The following SEMA5B variants were observed in gnomAD, a reference collection of about 807,000 sequenced individuals.
SEMA5B encodes the protein semaphorin 5B.
A neutral mutation model predicts 135.0 loss-of-function variants in SEMA5B; 66 were observed. The ratio of observed to expected loss-of-function variants is 0.49; its 90% CI spans 0.40 to 0.60. The LOEUF is 0.60. Among genes scored for constraint, SEMA5B ranks in the 20% least tolerant of loss-of-function variants. The probability of loss-of-function intolerance (pLI) is 0.00; values close to 1 mark genes in which losing one functional copy is unlikely to be tolerated. For synonymous variants in SEMA5B, 690 were observed against 639.5 expected (o/e 1.08, Z -1.19); for missense variants, 1,501 against 1,566.3 (o/e 0.96, Z 0.70).
In SEMA5B at chr3:122,915,784, T is replaced by C; in HGVS notation, c.1795A>G (p.Thr599Ala). The C allele has an allele frequency of 1.2e-6, 2 of 1,613,958 alleles. No homozygotes were observed. Among genetic ancestry groups the C allele is most frequent in the Non-Finnish European group, 1.7e-6 (2 of 1,179,890 alleles). ...AAGGGGATTCTCACAGGACAGGCGG[T>C]GATGTTCTGGGTCCAGAGGCTCATG... is the stretch of plus-strand genomic sequence containing the variant. Reference protein sequence around the residue: ...SNMSLWTQNITACPVRNVTRD... With the variant: ...SNMSLWTQNIAACPVRNVTRD... Residue 599 changes from threonine to alanine, a missense_variant, in exon 13 of 23, where the codon ACC becomes GCC. By Grantham distance (58) the Thr-to-Ala change is moderately conservative. This residue lies in a region of SEMA5B where 927 missense variants were observed against 881.6 expected (regional missense o/e 1.05). Transcript: ENST00000357599.
At chr3:122,995,851 C>G (rs1421316933) in intron 1 of SEMA5B, among the ~76,000 whole-genome samples, 1 of 152,258 alleles carries the variant, frequency 6.6e-6, no homozygotes, top group Non-Finnish European at 1.5e-5. Flanking sequence ...ATTCTCACCA[C>G]TCTGAGCCTC....
intron 2 of SEMA5B, among the ~76,000 whole-genome samples, chr3:122,954,446 A>T (rs1940192047): frequency 6.6e-6 from 1 of 152,250 alleles, no homozygotes; most frequent in Admixed American, 6.5e-5. Flanking sequence ...AGGAGTTGCC[A>T]ACAGGCATTG....
chr3:122,913,866 C>T lies in SEMA5B; in HGVS notation c.2124G>A (p.Arg708=), dbSNP rs776018961. 2 of 1,606,252 alleles carry T rather than the reference C, an allele frequency of 1.2e-6. No homozygotes were observed. Among genetic ancestry groups the T allele is most frequent in the Admixed American group, 3.4e-5 (2 of 59,296 alleles). Residue 708 remains arginine (R), a synonymous_variant, in exon 15 of 23, where the codon CGG becomes CGA. Coordinates refer to ENST00000357599, the MANE Select transcript of SEMA5B (RefSeq NM_001031702.4). ...HGGRICVGKS[R]EERFCNENTP... is the part of the protein sequence containing the mutation. ...AGCCTGTTCTCCCTCACCGTTCCTC[C>T]CGGCTCTTGCCCACGCAGATGCGGC... is the stretch of plus-strand genomic sequence containing the variant.
chr3:122,936,692 C>T (rs1180909920), intron 5 of SEMA5B, among the ~76,000 whole-genome samples: 6 of 152,238 alleles, frequency 3.9e-5, no homozygotes, highest in African/African-American at 1.2e-4. Context: ...GGGATGCTGT[C>T]AATCACTAGC....
intron 1 of SEMA5B, among the ~76,000 whole-genome samples, chr3:123,012,574 A>G (rs1017940623): frequency 1.3e-5 from 2 of 152,234 alleles, no homozygotes; most frequent in Admixed American, 1.3e-4. Context: ...GCAGACAGTT[A>G]GCCCAGTGTG....
At chr3:122,990,095 C>T (rs1430102724) in intron 1 of SEMA5B, among the ~76,000 whole-genome samples, 1 of 152,074 alleles carries the variant, frequency 6.6e-6, no homozygotes, top group African/African-American at 2.4e-5. Flanking sequence ...ATTTCAAAGC[C>T]CAGCAGGCTG....
chr3:122,961,341 T>C lies in SEMA5B; in HGVS notation c.-38-40A>G, dbSNP rs757952075. 33 of 1,579,282 alleles carry C rather than the reference T, an allele frequency of 2.1e-5. No individual in the cohort carries two copies. The Admixed American group carries it at 5.4e-4, about 26-fold the overall frequency. ...TTTTGGGTAAGTCATGGATACATGA[T>C]GAACCAGGCAAAAGAGATGAGGTCA... On this transcript the variant is annotated intron_variant, in intron 1 of 22. Coordinates refer to ENST00000357599, the MANE Select transcript of SEMA5B (RefSeq NM_001031702.4).
chr3:122,924,072 C>A (rs553196114), intron 9 of SEMA5B, among the ~76,000 whole-genome samples: 116 of 151,782 alleles, frequency 7.6e-4, no homozygotes, highest in African/African-American at 2.8e-3. Flanking sequence ...ATATATTTTA[C>A]CCTACAACTC....
chr3:122,965,674 T>C (rs1940785907), intron 1 of SEMA5B, among the ~76,000 whole-genome samples: 1 of 152,212 alleles, frequency 6.6e-6, no homozygotes, highest in African/African-American at 2.4e-5. Context: ...GTAGATGGTG[T>C]TTTCTGTTAC....
chr3:122,976,107 G>C (rs1461342424), intron 1 of SEMA5B: 1 of 1,535,182 alleles, frequency 6.5e-7, no homozygotes, highest in African/African-American at 1.4e-5. Flanking sequence ...GGCTTCCTCT[G>C]CTGACAGATG....
At chr3:122,911,835 C>A in intron 20 of SEMA5B, 85 bp downstream of exon 20, 1 of 1,455,570 alleles carries the variant, frequency 6.9e-7, no homozygotes, top group Non-Finnish European at 9.2e-7. Context: ...CTGCTCCCCA[C>A]CAGGACACAA....
At position 122,928,020 on chromosome 3, in the gene SEMA5B, G is replaced by A; in HGVS notation, c.637-17C>T. The A allele has an allele frequency of 6.9e-7, 1 of 1,442,346 alleles. No homozygotes were observed. The highest frequency in any genetic ancestry group is 9.2e-7 in the Non-Finnish European group (1 of 1,089,436). The allele number at this position is 1,442,346 out of a possible 1,614,324, so 89.3% of individuals were successfully genotyped here. ...GTTCCCCACCTGGGGACAATGGGGA[G>A]AAGGGGACACTTTTCCCTGAGGCCC... On this transcript the variant is annotated splice_polypyrimidine_tract_variant and intron_variant, in intron 7 of 22. Transcript: ENST00000357599.
chr3:122,984,164 C>G lies in SEMA5B; in HGVS notation c.-38-22863G>C, dbSNP rs77809131. Among the ~76,000 whole-genome samples, 660 of 152,342 alleles carry G rather than the reference C, an allele frequency of 4.3e-3. 8 individuals carry two copies. Among genetic ancestry groups the G allele is most frequent in the African/African-American group, 0.015 (625 of 41,564 alleles). ...CTTCTCCTTCACTGTCTCCCGCCCC[C>G]CGCCGTGGCCCTGTAGGCTCATTCA... is the stretch of plus-strand genomic sequence containing the variant. On this transcript the variant is annotated intron_variant, in intron 1 of 22. Coordinates refer to ENST00000357599, the MANE Select transcript of SEMA5B (RefSeq NM_001031702.4).
At chr3:122,974,076 G>T (rs1941223135) in intron 1 of SEMA5B, among the ~76,000 whole-genome samples, 1 of 152,118 alleles carries the variant, frequency 6.6e-6, no homozygotes, top group African/African-American at 2.4e-5. Context: ...GCTGGCTGAG[G>T]GGAGAGAGAG....
chr3:123,027,980 G>A (rs992944354), upstream of SEMA5B, among the ~76,000 whole-genome samples: 4 of 152,186 alleles, frequency 2.6e-5, no homozygotes, highest in African/African-American at 7.2e-5. Flanking sequence ...CGGGCCTGCC[G>A]AGTGTGGTGA....
Position 122,912,877 on chromosome 3 carries a change from G to A in SEMA5B, c.2691C>T (p.Ala897=), listed in dbSNP as rs751591160. 4.4e-6 allele frequency: 7 copies of A among 1,605,058 alleles called. No homozygotes were observed. The highest frequency in any genetic ancestry group is 6.0e-6 in the Non-Finnish European group (7 of 1,175,448). Residue 897 remains alanine, a synonymous_variant, in exon 18 of 23, where the codon GCC becomes GCT. Transcript: ENST00000357599. The part of the protein sequence containing the change: ...NGGLPCVGDA[A]EYQDCNPQAC... ...CCTGGGGGTTGCAGTCCTGGTACTC[G>A]GCAGCATCGCCCACGCAGGGCAGGC... is the stretch of plus-strand genomic sequence containing the variant.
intron 1 of SEMA5B, among the ~76,000 whole-genome samples, chr3:123,001,039 G>T (rs560644540): frequency 6.6e-6 from 1 of 152,186 alleles, no homozygotes; most frequent in Non-Finnish European, 1.5e-5. Context: ...CCTGGGAGGA[G>T]CAGGGCAGAT....
intron 2 of SEMA5B, among the ~76,000 whole-genome samples, chr3:122,957,699 C>T (rs1418910352): frequency 3.3e-5 from 5 of 152,196 alleles, no homozygotes; most frequent in Non-Finnish European, 7.3e-5. Context: ...CCAAGAGGTG[C>T]CCACATAAGC....
At chr3:122,935,091 A>T (rs910995392) in intron 5 of SEMA5B, among the ~76,000 whole-genome samples, 6 of 150,860 alleles carry the variant, frequency 4.0e-5, no homozygotes, top group Admixed American at 2.0e-4. Flanking sequence ...ATTACGTGAT[A>T]AAAAAAAGCA....
Sources: allele counts gnomAD v4.1 joint callset (sites outside exome capture counted in the v4.1 genomes callset), GRCh38; gene constraint gnomAD v4.1.1; regional missense constraint gnomAD v4.1.1; transcripts MANE v1.5; gene names NCBI Gene and HGNC (gene_info 2026-07-23, HGNC 2026-07-21).